RABGAP1L: variants seen among roughly 807,000 people sequenced by gnomAD.
RABGAP1L encodes the protein RAB GTPase activating protein 1 like.
In RABGAP1L, 63 loss-of-function variants were observed where a neutral mutation model predicts 137.7. The ratio of observed to expected loss-of-function variants is 0.46; its 90% CI spans 0.37 to 0.56. The LOEUF (loss-of-function observed/expected upper bound fraction) is 0.56. Among genes scored for constraint, RABGAP1L ranks in the 20% least tolerant of loss-of-function variants. RABGAP1L has a pLI of 0.00. For synonymous variants in RABGAP1L, 431 were observed against 433.7 expected (o/e 0.99, Z 0.08); for missense variants, 1,095 against 1,244.0 (o/e 0.88, Z 1.80).
intron 1 of RABGAP1L, among the ~76,000 whole-genome samples, chr1:174,216,561 C>CTT (rs1210583973): frequency 2.1e-5 from 3 of 143,040 alleles, no homozygotes; most frequent in Non-Finnish European, 4.6e-5. Context: ...TCCCCCTCCC[C>CTT]TTTTTTTTTT....
chr1:174,257,644 CATT>C (rs1673239285), intron 7 of RABGAP1L, among the ~76,000 whole-genome samples: 1 of 152,082 alleles, frequency 6.6e-6, no homozygotes, highest in African/African-American at 2.4e-5. Context: ...TTCCAGAGCA[CATT>C]ATGTCAACTT....
At chr1:174,866,481 T>C (rs1333654203) in intron 19 of RABGAP1L, among the ~76,000 whole-genome samples, 1 of 152,244 alleles carries the variant, frequency 6.6e-6, no homozygotes, top group Non-Finnish European at 1.5e-5. Flanking sequence ...CTGACAAGAA[T>C]GTTGCCTCAA....
chr1:174,328,357 C>G (rs1260863344), intron 11 of RABGAP1L, among the ~76,000 whole-genome samples: 1 of 151,940 alleles, frequency 6.6e-6, no homozygotes, highest in East Asian at 1.9e-4. Context: ...TTTTTTCTGA[C>G]TGTAATAGAA....
At chr1:174,495,033 G>A (rs756211733) in intron 13 of RABGAP1L, among the ~76,000 whole-genome samples, 26 of 152,038 alleles carry the variant, frequency 1.7e-4, no homozygotes, top group Non-Finnish European at 3.5e-4. Flanking sequence ...TCCTCCTTTA[G>A]AAGAATTGAA....
At chr1:174,387,903 C>T (rs1686929912) in intron 12 of RABGAP1L, among the ~76,000 whole-genome samples, 1 of 151,634 alleles carries the variant, frequency 6.6e-6, no homozygotes. Context: ...TTATTTGGGC[C>T]ATTATTATAA....
intron 18 of RABGAP1L, among the ~76,000 whole-genome samples, chr1:174,758,378 A>G (rs892460722): frequency 2.0e-5 from 3 of 151,352 alleles, no homozygotes; most frequent in Non-Finnish European, 4.4e-5. Flanking sequence ...GATCTTATTC[A>G]TTCCCCTGGT....
chr1:174,448,518 G>C lies in RABGAP1L; in HGVS notation c.1710+54373G>C. On this transcript the variant is annotated intron_variant, in intron 13 of 25. Transcript: ENST00000681986. The surrounding 1 kb of genome is among the most constrained non-coding windows in gnomAD (Gnocchi z 4.2). ...TCTATGGCATGTCTTGCTTGCATCA[G>C]TGTGGATCGTTATCTTGCAATAACC... is the stretch of plus-strand genomic sequence containing the variant. 6.2e-7 allele frequency: 1 copy of C among 1,613,042 alleles called. No homozygotes were observed. Among genetic ancestry groups the C allele is most frequent in the Non-Finnish European group, 8.5e-7 (1 of 1,179,022 alleles).
intron 13 of RABGAP1L, among the ~76,000 whole-genome samples, chr1:174,452,177 G>A (rs1303314489): frequency 6.6e-6 from 1 of 151,982 alleles, no homozygotes; most frequent in Non-Finnish European, 1.5e-5. Flanking sequence ...TCATTATATT[G>A]TATTTTGTGG....
intron 18 of RABGAP1L, among the ~76,000 whole-genome samples, chr1:174,776,110 C>T (rs1037788999): frequency 1.3e-5 from 2 of 152,130 alleles, no homozygotes; most frequent in African/African-American, 4.8e-5. Context: ...TGGCTCACAC[C>T]TGTAATCCCA....
intron 1 of RABGAP1L, among the ~76,000 whole-genome samples, chr1:174,165,225 T>G (rs1043449976): frequency 6.6e-6 from 1 of 152,228 alleles, no homozygotes; most frequent in Non-Finnish European, 1.5e-5. Flanking sequence ...CTCGGCTCAC[T>G]GCAACCTCTG....
intron 13 of RABGAP1L, chr1:174,545,925 C>G (rs994713316): frequency 2.6e-5 from 4 of 152,092 alleles, no homozygotes; most frequent in African/African-American, 9.7e-5. Context: ...TCTGTTATTT[C>G]TCTTTTTCAC....
intron 13 of RABGAP1L, among the ~76,000 whole-genome samples, chr1:174,414,684 A>G (rs1650339888): frequency 6.6e-6 from 1 of 152,160 alleles, no homozygotes; most frequent in Non-Finnish European, 1.5e-5. Flanking sequence ...AAATTTTGGT[A>G]GAAAACTTTA....
intron 13 of RABGAP1L, among the ~76,000 whole-genome samples, chr1:174,512,734 C>A (rs1450242396): frequency 6.6e-6 from 1 of 151,984 alleles, no homozygotes; most frequent in African/African-American, 2.4e-5. Context: ...GATTTGTATG[C>A]CTCACTGGGT....
At chr1:174,879,112 T>A (rs1248744254) in intron 19 of RABGAP1L, among the ~76,000 whole-genome samples, 1 of 150,770 alleles carries the variant, frequency 6.6e-6, no homozygotes, top group East Asian at 1.9e-4. Flanking sequence ...TTTTTTTTTT[T>A]TTTTTTAAGA....
chr1:174,376,259 G>A (rs931741173), intron 12 of RABGAP1L, among the ~76,000 whole-genome samples: 2 of 150,844 alleles, frequency 1.3e-5, no homozygotes, highest in Admixed American at 1.3e-4. Flanking sequence ...AGGGAAAGAA[G>A]GAAGGAAGGA....
At chr1:174,307,230 A>G (rs367688541) in intron 11 of RABGAP1L, among the ~76,000 whole-genome samples, 17 of 152,316 alleles carry the variant, frequency 1.1e-4, no homozygotes, top group African/African-American at 3.8e-4. Flanking sequence ...ACTTGTAACT[A>G]TGACATTATT....
chr1:174,437,752 C>T (rs2149218104), intron 13 of RABGAP1L, among the ~76,000 whole-genome samples: 1 of 152,160 alleles, frequency 6.6e-6, no homozygotes, highest in Admixed American at 6.5e-5. Context: ...AGAGCAACTC[C>T]AAGACACATA....
At chr1:174,666,243 G>A (rs1370095728) in intron 14 of RABGAP1L, among the ~76,000 whole-genome samples, 3 of 152,210 alleles carry the variant, frequency 2.0e-5, no homozygotes, top group Non-Finnish European at 2.9e-5. Flanking sequence ...GCTAATTTAT[G>A]TGTTTTAGCC....
intron 13 of RABGAP1L, among the ~76,000 whole-genome samples, chr1:174,573,027 A>G (rs1479084246): frequency 1.3e-5 from 2 of 151,266 alleles, no homozygotes; most frequent in Admixed American, 1.3e-4. Flanking sequence ...TCATTTATCT[A>G]GTTAACTGTA....
Sources: gnomAD v4.1 joint callset for allele counts (sites outside exome capture counted in the v4.1 genomes callset) on GRCh38, gnomAD v4.1.1 for gene constraint, Gnocchi (gnomAD v3.1) non-coding constraint, MANE v1.5 for transcripts, NCBI Gene and HGNC (gene_info 2026-07-23, HGNC 2026-07-21) for gene names.